The following CLYBL variants were observed in gnomAD, a reference collection of about 807,000 sequenced individuals.
The protein encoded by CLYBL is citramalyl-CoA lyase, mitochondrial.
CLYBL carries 31 observed loss-of-function variants against 38.9 expected under a neutral mutation model. That is an observed-to-expected ratio of 0.80 (90% CI 0.60 to 1.08). CLYBL has a LOEUF of 1.08. Ranked by LOEUF, CLYBL falls within the 50% of genes least tolerant of loss-of-function variation. The pLI, the probability that CLYBL is intolerant of heterozygous loss-of-function variation, is 0.00. For synonymous variants in CLYBL, 171 were observed against 158.6 expected, an observed-to-expected ratio of 1.08 and a Z score of -0.59; for missense variants, 434 against 411.6, an observed-to-expected ratio of 1.05 and a Z score of -0.47.
chr13:99,698,335 GTT>G (rs5806133), intron 1 of CLYBL, among the ~76,000 whole-genome samples: 3,280 of 148,476 alleles, frequency 0.022, 63 homozygotes, highest in Middle Eastern at 0.1. Context: ...CCTGGCTGCT[GTT>G]TTTTTTTTTT....
intron 1 of CLYBL, among the ~76,000 whole-genome samples, chr13:99,645,089 C>G (rs1431118761): frequency 6.6e-6 from 1 of 152,200 alleles, no homozygotes; most frequent in Non-Finnish European, 1.5e-5. Context: ...TTTGAGGAAC[C>G]TCTATGCTGT....
chr13:99,817,236 T>C (rs954485843), intron 2 of CLYBL, among the ~76,000 whole-genome samples: 2 of 152,142 alleles, frequency 1.3e-5, no homozygotes, highest in African/African-American at 4.8e-5. Flanking sequence ...TCAACATATA[T>C]ATCTTTAGCT....
chr13:99,871,433 T>C (rs2051894342), intron 7 of CLYBL, among the ~76,000 whole-genome samples: 1 of 152,176 alleles, frequency 6.6e-6, no homozygotes, highest in East Asian at 1.9e-4. Flanking sequence ...TTTGACTAAA[T>C]GGTTCTTGTG....
chr13:99,825,016 A>T (rs1448571122), intron 2 of CLYBL, among the ~76,000 whole-genome samples: 1 of 152,224 alleles, frequency 6.6e-6, no homozygotes, highest in Non-Finnish European at 1.5e-5. Flanking sequence ...CAAGAAAGAC[A>T]CATGGAGAAG....
At chr13:99,841,812 C>CTTTTTTTTTT (rs67827288) in intron 2 of CLYBL, among the ~76,000 whole-genome samples, 1 of 105,396 alleles carries the variant, frequency 9.5e-6, no homozygotes, top group Non-Finnish European at 1.8e-5. Flanking sequence ...TTTTCTTTTC[C>CTTTTTTTTTT]TTTTTTTTTT....
intron 2 of CLYBL, among the ~76,000 whole-genome samples, chr13:99,808,164 C>T (rs1355760511): frequency 2.0e-5 from 3 of 152,178 alleles, no homozygotes; most frequent in Non-Finnish European, 2.9e-5. Context: ...CAGCTCACTG[C>T]AGCGTGGACC....
At chr13:99,904,740 C>G (rs2052677338) in intron 8 of CLYBL, among the ~76,000 whole-genome samples, 1 of 152,160 alleles carries the variant, frequency 6.6e-6, no homozygotes, top group South Asian at 2.1e-4. Flanking sequence ...AGTGTCAGCT[C>G]AAAACTGTAC....
chr13:99,841,812 C>CT lies in CLYBL; in HGVS notation c.250-17030dup, dbSNP rs67827288. Among the ~76,000 whole-genome samples, 227 of 105,378 alleles carry CT rather than the reference C, an allele frequency of 2.2e-3. 1 individual carries two copies. Among genetic ancestry groups the CT allele is most frequent in the South Asian group, 2.5e-3 (9 of 3,542 alleles). 69.1% of individuals were successfully genotyped at this position (105,378 alleles called of 152,430 possible). A position where few individuals can be genotyped will look rare whatever the true frequency, so the allele number is the denominator to read the frequency against. On this transcript the variant is annotated intron_variant, in intron 2 of 8. Transcript: ENST00000339105. ...CTTTCTTTTCTTTTCTTTTCTTTTC[C>CT]TTTTTTTTTTTTTTTTTTTCTGAGA...
chr13:99,800,233 G>A (rs2050104965), intron 2 of CLYBL, among the ~76,000 whole-genome samples: 1 of 152,172 alleles, frequency 6.6e-6, no homozygotes, highest in African/African-American at 2.4e-5. Flanking sequence ...GCATTCCACT[G>A]GCCACCATGA....
chr13:99,781,744 C>T (rs368079520), intron 2 of CLYBL, among the ~76,000 whole-genome samples: 18 of 152,272 alleles, frequency 1.2e-4, no homozygotes, highest in South Asian at 2.1e-4. Flanking sequence ...TCCCAAAGTT[C>T]GAGGATTACA....
At chr13:99,891,283 ATTCT>A (rs772321536) in intron 7 of CLYBL, 31 bp from the exon 8 acceptor site, 2 of 1,447,732 alleles carry the variant, frequency 1.4e-6, no homozygotes, top group Non-Finnish European at 1.9e-6. Flanking sequence ...AATTTCGAGT[ATTCT>A]TTCAGGAAGT....
chr13:99,628,701 CAATCAGTGTGT>C (rs1325120071), intron 1 of CLYBL, among the ~76,000 whole-genome samples: 1 of 152,188 alleles, frequency 6.6e-6, no homozygotes, highest in Non-Finnish European at 1.5e-5. Context: ...CTCTGGGCAG[CAATCAGTGTGT>C]AATAGAGTTT....
At chr13:99,756,229 G>T (rs2049060443) in intron 1 of CLYBL, among the ~76,000 whole-genome samples, 1 of 152,204 alleles carries the variant, frequency 6.6e-6, no homozygotes, top group Admixed American at 6.5e-5. Flanking sequence ...CATTTGATCA[G>T]TGGAAGGTTG....
At position 99,825,184 on chromosome 13, in the gene CLYBL, C is replaced by T. The variant is rs140629095; in HGVS notation, c.250-33677C>T. 4.4e-3 allele frequency among the ~76,000 whole-genome samples: 675 copies of T among 152,290 alleles called. 4 individuals are homozygous for T. The highest frequency in any genetic ancestry group is 0.015 in the African/African-American group (608 of 41,562). ...GCTGAGCTGCCCACTTAACAAGCAA[C>T]AAGCCCTGGGGGAGTCTGGGCAGCC... On this transcript the variant is annotated intron_variant, in intron 2 of 8. Transcript: ENST00000339105.
rs542637719 is a variant in CLYBL at position 99,804,682 on chromosome 13, A to G, written c.249+31672A>G. Among the ~76,000 whole-genome samples the G allele has an allele frequency of 7.9e-5, 12 of 152,320 alleles. No homozygotes were observed. In the East Asian group the frequency reaches 9.6e-4, roughly 12 times the overall value. ...TCCAGAAAATACTTGATAAATGTCAATATAGTAACTGGTAAGTTGTTAATA... is the reference window on the plus strand; with the variant it reads ...TCCAGAAAATACTTGATAAATGTCAGTATAGTAACTGGTAAGTTGTTAATA... On this transcript the variant is annotated intron_variant, in intron 2 of 8. Coordinates refer to ENST00000339105, the MANE Select transcript of CLYBL (RefSeq NM_206808.5).
intron 1 of CLYBL, among the ~76,000 whole-genome samples, chr13:99,674,444 C>T (rs547115158): frequency 6.6e-6 from 1 of 152,138 alleles, no homozygotes; most frequent in African/African-American, 2.4e-5. Flanking sequence ...GCCACCATGC[C>T]CAGCTGATAG....
intron 1 of CLYBL, among the ~76,000 whole-genome samples, chr13:99,633,470 G>A (rs1387506003): frequency 8.6e-5 from 13 of 151,206 alleles, no homozygotes; most frequent in African/African-American, 3.2e-4. Flanking sequence ...GGGAGGTGGA[G>A]GTTGCAGTGA....
At chr13:99,619,466 AAGAC>A (rs1454148322) in intron 1 of CLYBL, among the ~76,000 whole-genome samples, 1 of 152,256 alleles carries the variant, frequency 6.6e-6, no homozygotes, top group African/African-American at 2.4e-5. Context: ...TAAACAGACT[AAGAC>A]AGGTGGTTTC....
intron 1 of CLYBL, among the ~76,000 whole-genome samples, chr13:99,728,689 C>G (rs921035915): frequency 2.0e-5 from 3 of 152,020 alleles, no homozygotes; most frequent in Non-Finnish European, 4.4e-5. Context: ...AGTCCTCGCA[C>G]GTAGCTGGGA....
Sources: allele counts gnomAD v4.1 joint callset (sites outside exome capture counted in the v4.1 genomes callset), GRCh38; gene constraint gnomAD v4.1.1; transcripts MANE v1.5; gene names NCBI Gene and HGNC (gene_info 2026-07-23, HGNC 2026-07-21).